DUOX1: variants seen among roughly 807,000 people sequenced by gnomAD.
DUOX1 encodes the protein dual oxidase 1.
Under a neutral mutation model 181.8 loss-of-function variants are expected in DUOX1, and 134 were observed. The observed-to-expected ratio is 0.74, with a 90% CI of 0.64 to 0.85. DUOX1 has a LOEUF of 0.85. Ranked by LOEUF, DUOX1 falls within the 40% of genes least tolerant of loss-of-function variation. The pLI, the probability that DUOX1 is intolerant of heterozygous loss-of-function variation, is 0.00. For synonymous variants in DUOX1, 798 were observed against 832.5 expected (o/e 0.96, Z 0.71); for missense variants, 1,814 against 2,064.4 (o/e 0.88, Z 2.35).
At chr15:45,147,789 G>T (rs1567015096) in intron 19 of DUOX1, 115 bp from the exon 20 acceptor site, 1 of 1,522,878 alleles carries the variant, frequency 6.6e-7, no homozygotes, top group Admixed American at 1.7e-5. Context: ...GAAGCAGAGC[G>T]ACCCTTGCTG....
chr15:45,160,021 A>G (rs1383343926), intron 28 of DUOX1, among the ~76,000 whole-genome samples: 2 of 152,116 alleles, frequency 1.3e-5, no homozygotes, highest in Non-Finnish European at 2.9e-5. Flanking sequence ...GTTTGGTGGC[A>G]GGTGCCTGTA....
chr15:45,164,058 G>C, intron 33 of DUOX1, 140 bp downstream of exon 33: 1 of 1,337,246 alleles, frequency 7.5e-7, no homozygotes, highest in South Asian at 1.4e-5. Flanking sequence ...TAATGGAATG[G>C]AAAGGATAGG....
At chr15:45,142,801 G>GGAAGGAAGGAAGGAAGGAAGGA (rs1567012359) in intron 15 of DUOX1, among the ~76,000 whole-genome samples, 1 of 144,680 alleles carries the variant, frequency 6.9e-6, no homozygotes, top group Non-Finnish European at 1.5e-5. Context: ...GGGAGGAAGG[G>GGAAGGAAGGAAGGAAGGAAGGA]AGGGAGGAAG....
chr15:45,154,337 C>T (rs771970927), intron 27 of DUOX1, among the ~76,000 whole-genome samples: 18 of 152,164 alleles, frequency 1.2e-4, no homozygotes, highest in Non-Finnish European at 2.4e-4. Context: ...CATACCCTAA[C>T]AGTAGCTTTG....
chr15:45,154,734 G>T (rs568977686), intron 27 of DUOX1, among the ~76,000 whole-genome samples: 1 of 152,054 alleles, frequency 6.6e-6, no homozygotes, highest in Admixed American at 6.6e-5. Flanking sequence ...GCTTTGGTTA[G>T]ATCCCTTCTT....
intron 18 of DUOX1, among the ~76,000 whole-genome samples, chr15:45,146,031 A>G (rs535848843): frequency 6.6e-6 from 1 of 152,344 alleles, no homozygotes; most frequent in Admixed American, 6.5e-5. Flanking sequence ...AATGAAGGCT[A>G]CAAAAGTGAT....
intron 21 of DUOX1, 99 bp from the exon 22 acceptor site, chr15:45,150,533 T>A: frequency 1.7e-6 from 2 of 1,150,456 alleles, no homozygotes; most frequent in Non-Finnish European, 2.6e-6. Flanking sequence ...GACTGTCTAC[T>A]GTGCCTGAGC....
chr15:45,154,132 T>A, intron 27 of DUOX1, 132 bp downstream of exon 27: 3 of 822,562 alleles, frequency 3.6e-6, no homozygotes, highest in Non-Finnish European at 6.2e-6. Flanking sequence ...TCCTCTGGCC[T>A]GAGGACACTA....
chr15:45,141,986 C>T lies in DUOX1; in HGVS notation c.1696C>T (p.Pro566Ser). Residue 566 changes from proline to serine, a missense_variant, in exon 15 of 34, where the codon CCG (proline) becomes TCG (serine). Pro to Ser is a moderately conservative substitution (Grantham distance 74, BLOSUM62 -1). This residue lies in a region of DUOX1 where 1,064 missense variants were observed against 1,152.9 expected (regional missense o/e 0.92). Coordinates refer to ENST00000389037, the MANE Select transcript of DUOX1 (RefSeq NM_175940.3). ...VFVWHKGDPC[P>S]QPRQLSTEGL... is the part of the protein sequence containing the mutation. ...CTCTGCCTTCCCAGGAGACCCCTGT[C>T]CGCAGCCGAGACAGCTCAGCACTGA... is the stretch of plus-strand genomic sequence containing the variant. 6.2e-7 allele frequency: 1 copy of T among 1,612,058 alleles called. No homozygotes were observed. The highest frequency in any genetic ancestry group is 8.5e-7 in the Non-Finnish European group (1 of 1,179,340).
intron 26 of DUOX1, chr15:45,153,714 G>A (rs1329014822): frequency 1.3e-5 from 8 of 638,350 alleles, no homozygotes; most frequent in African/African-American, 5.5e-5. Flanking sequence ...GGTCCCATCT[G>A]GAATTCCCAA....
intron 1 of DUOX1, 100 bp from the exon 2 acceptor site, chr15:45,131,818 C>A: frequency 1.2e-6 from 1 of 813,714 alleles, no homozygotes; most frequent in Non-Finnish European, 2.0e-6. Flanking sequence ...CCTACTGTGA[C>A]CTTGGCCCAG....
Position 45,139,169 on chromosome 15 carries a change from G to A in DUOX1, c.1216+1G>A. On this transcript the variant is annotated splice_donor_variant, in intron 11 of 33. Transcript: ENST00000389037. LOFTEE classifies it high-confidence loss of function. Reference sequence around the variant, plus strand: ...CATGTGTTGGTTGAAGATGTGCGGGGTGAGTCTGAGGCTGTCCCTGCAGGT... The same window carrying A: ...CATGTGTTGGTTGAAGATGTGCGGGATGAGTCTGAGGCTGTCCCTGCAGGT... 1 of 1,614,172 alleles carries A rather than the reference G, an allele frequency of 6.2e-7. No individual in the cohort carries two copies. The highest frequency in any genetic ancestry group is 8.5e-7 in the Non-Finnish European group (1 of 1,180,044).
intron 12 of DUOX1, 40 bp downstream of exon 12, chr15:45,139,639 A>G: frequency 2.0e-6 from 3 of 1,514,544 alleles, no homozygotes; most frequent in Non-Finnish European, 2.6e-6. Flanking sequence ...GGCGGGAGGG[A>G]CAAGGCACGT....
intron 22 of DUOX1, 76 bp downstream of exon 22, chr15:45,150,777 G>A (rs1896780747): frequency 7.1e-7 from 1 of 1,400,504 alleles, no homozygotes; most frequent in South Asian, 1.2e-5. Flanking sequence ...GCTGGGATCA[G>A]GGCCACCGCT....
chr15:45,134,119 C>T (rs771715415), intron 3 of DUOX1, 26 bp from the exon 4 acceptor site: 23 of 1,548,078 alleles, frequency 1.5e-5, no homozygotes, highest in Non-Finnish European at 1.8e-5. Flanking sequence ...GAAGATTCAT[C>T]CTTATCCTTA....
chr15:45,133,666 G>A (rs1648282), intron 2 of DUOX1, among the ~76,000 whole-genome samples, 198 bp from the exon 3 acceptor site: 64,154 of 152,024 alleles, frequency 0.42, 16,430 homozygotes, highest in Non-Finnish European at 0.57. Flanking sequence ...CCCCCACTGA[G>A]CAGCTTAAAG....
chr15:45,163,691 T>G lies in DUOX1; in HGVS notation c.4404+4T>G, dbSNP rs372566588. Reference sequence around the variant, plus strand: ...CGACCTCAGGACCACTATGCTGGTATGTCAGGGCCCACCAGGAGGGTATGC... The same window carrying G: ...CGACCTCAGGACCACTATGCTGGTAGGTCAGGGCCCACCAGGAGGGTATGC... On this transcript the variant is annotated splice_donor_region_variant and intron_variant, in intron 32 of 33. Transcript: ENST00000389037. The G allele has an allele frequency of 3.6e-4, 575 of 1,614,000 alleles. No individual in the cohort carries two copies. The highest frequency in any genetic ancestry group is 4.6e-4 in the Non-Finnish European group (545 of 1,180,020).
At chr15:45,139,731 T>C in intron 12 of DUOX1, 132 bp downstream of exon 12, 1 of 1,044,466 alleles carries the variant, frequency 9.6e-7, no homozygotes, top group Non-Finnish European at 1.3e-6. Flanking sequence ...CTTACCCAGA[T>C]CACTTTTCCC....
intron 33 of DUOX1, among the ~76,000 whole-genome samples, 160 bp downstream of exon 33, chr15:45,164,078 C>A (rs1308741322): frequency 1.3e-5 from 2 of 152,182 alleles, no homozygotes; most frequent in East Asian, 1.9e-4. Flanking sequence ...GTGGGTGTCA[C>A]CCTTAGGTGC....
Sources: allele counts gnomAD v4.1 joint callset (sites outside exome capture counted in the v4.1 genomes callset), GRCh38; gene constraint gnomAD v4.1.1; regional missense constraint gnomAD v4.1.1; transcripts MANE v1.5; gene names NCBI Gene and HGNC (gene_info 2026-07-23, HGNC 2026-07-21).